Variants in ASIC2 observed in about 807,000 individuals in gnomAD.
ASIC2 encodes the protein acid sensing ion channel subunit 2.
Under a neutral mutation model 57.3 loss-of-function variants are expected in ASIC2, and 25 were observed. The observed-to-expected ratio is 0.44, with a 90% CI of 0.32 to 0.61. ASIC2 has a LOEUF of 0.61. ASIC2 is among the 20% of genes least tolerant of loss of function. The pLI is 0.06. For synonymous variants in ASIC2, 319 were observed against 307.5 expected (o/e 1.04, Z -0.39); for missense variants, 641 against 738.1 (o/e 0.87, Z 1.52).
chr17:33,319,631 T>G (rs138772550), intron 1 of ASIC2, among the ~76,000 whole-genome samples: 1 of 152,248 alleles, frequency 6.6e-6, no homozygotes, highest in African/African-American at 2.4e-5. Context: ...CAAGCATTTA[T>G]CCTTTCTTTG....
intron 1 of ASIC2, among the ~76,000 whole-genome samples, chr17:33,394,351 T>G (rs1910001033): frequency 6.6e-6 from 1 of 152,220 alleles, no homozygotes; most frequent in Non-Finnish European, 1.5e-5. Flanking sequence ...CTCTCAGCCC[T>G]GGCTGCAAGT....
intron 1 of ASIC2, among the ~76,000 whole-genome samples, chr17:33,767,324 G>A (rs1910963906): frequency 6.6e-6 from 1 of 152,184 alleles, no homozygotes; most frequent in African/African-American, 2.4e-5. Flanking sequence ...CACTGGAAAT[G>A]TACCTTATGA....
intron 2 of ASIC2, among the ~76,000 whole-genome samples, chr17:33,108,115 A>G (rs1032630907): frequency 1.3e-5 from 2 of 151,870 alleles, no homozygotes; most frequent in African/African-American, 4.8e-5. Context: ...ATTTGTCTCT[A>G]TTTTACAAAC....
chr17:34,117,117 T>A (rs547943781), intron 1 of ASIC2, among the ~76,000 whole-genome samples: 5 of 152,028 alleles, frequency 3.3e-5, no homozygotes, highest in Admixed American at 2.0e-4. Context: ...CCCAGATTCA[T>A]CCCTTCAATT....
intron 1 of ASIC2, among the ~76,000 whole-genome samples, chr17:33,693,812 G>A (rs1012998271): frequency 2.0e-5 from 3 of 152,200 alleles, no homozygotes; most frequent in South Asian, 2.1e-4. Context: ...AGGGCTGTGA[G>A]TACACATGCC....
At chr17:34,037,676 G>A in intron 1 of ASIC2, 1 of 1,613,942 alleles carries the variant, frequency 6.2e-7, no homozygotes, top group Non-Finnish European at 8.5e-7. Flanking sequence ...AGCAGCTCCA[G>A]CAGGGCTACT....
At chr17:33,871,189 G>A (rs770934697) in intron 1 of ASIC2, among the ~76,000 whole-genome samples, 2 of 152,216 alleles carry the variant, frequency 1.3e-5, no homozygotes, top group Non-Finnish European at 2.9e-5. Flanking sequence ...TGTGCCCTAG[G>A]AGGATGGAGG....
intron 1 of ASIC2, among the ~76,000 whole-genome samples, chr17:33,352,700 C>G (rs2142250458): frequency 6.6e-6 from 1 of 152,312 alleles, no homozygotes; most frequent in Non-Finnish European, 1.5e-5. Flanking sequence ...TTGCTGGCCT[C>G]CACACCACCC....
chr17:33,097,901 C>A (rs977374106), intron 2 of ASIC2, among the ~76,000 whole-genome samples: 1 of 152,146 alleles, frequency 6.6e-6, no homozygotes, highest in Non-Finnish European at 1.5e-5. Flanking sequence ...CCAGAGAAAT[C>A]CAGGGAAAGC....
At chr17:33,154,155 A>G (rs1904908493) in intron 1 of ASIC2, among the ~76,000 whole-genome samples, 1 of 152,178 alleles carries the variant, frequency 6.6e-6, no homozygotes, top group African/African-American at 2.4e-5. Flanking sequence ...CCAACCTCAG[A>G]CAATGTACTT....
chr17:33,463,925 G>T (rs1443736556), intron 1 of ASIC2, among the ~76,000 whole-genome samples: 3 of 152,160 alleles, frequency 2.0e-5, no homozygotes, highest in Admixed American at 2.0e-4. Flanking sequence ...GCTTGGGAAG[G>T]GTTTGTAACA....
intron 1 of ASIC2, among the ~76,000 whole-genome samples, chr17:33,828,802 A>G (rs570608130): frequency 6.6e-6 from 1 of 152,314 alleles, no homozygotes; most frequent in Admixed American, 6.5e-5. Flanking sequence ...AATTCTGAAA[A>G]TTCTGACAAC....
intron 1 of ASIC2, among the ~76,000 whole-genome samples, chr17:33,559,728 C>T (rs1391102767): frequency 6.6e-6 from 1 of 152,150 alleles, no homozygotes; most frequent in Non-Finnish European, 1.5e-5. Context: ...TATTCAATGA[C>T]CCCTTATTGC....
chr17:33,240,355 G>T (rs1908455321), intron 1 of ASIC2, among the ~76,000 whole-genome samples: 1 of 152,146 alleles, frequency 6.6e-6, no homozygotes, highest in Non-Finnish European at 1.5e-5. Context: ...TCATTCCAGA[G>T]GAGTTCTTTC....
At chr17:33,911,343 G>A (rs1202930533) in intron 1 of ASIC2, among the ~76,000 whole-genome samples, 2 of 152,208 alleles carry the variant, frequency 1.3e-5, no homozygotes, top group Non-Finnish European at 2.9e-5. Context: ...TCCAAGCTCA[G>A]GATGGGCAGT....
chr17:33,828,220 A>G (rs1913000378), intron 1 of ASIC2: 1 of 152,222 alleles, frequency 6.6e-6, no homozygotes. Flanking sequence ...AGGATTATAA[A>G]TCATTCTACA....
chr17:33,421,051 C>T (rs2141971586), intron 1 of ASIC2, among the ~76,000 whole-genome samples: 1 of 152,238 alleles, frequency 6.6e-6, no homozygotes, highest in East Asian at 1.9e-4. Context: ...GAACATGGAG[C>T]AGTGTAGTTT....
chr17:33,899,071 T>C (rs1326131789), intron 1 of ASIC2, among the ~76,000 whole-genome samples: 1 of 148,882 alleles, frequency 6.7e-6, no homozygotes, highest in South Asian at 2.1e-4. Flanking sequence ...GAGCTTGCAG[T>C]GAGCTGAGAT....
intron 1 of ASIC2, among the ~76,000 whole-genome samples, chr17:33,539,784 G>C (rs192916256): frequency 1.3e-5 from 2 of 152,302 alleles, no homozygotes; most frequent in East Asian, 3.9e-4. Context: ...GTCCAGATGG[G>C]AGACAGGCAC....
Sources: gnomAD v4.1 joint callset for allele counts (sites outside exome capture counted in the v4.1 genomes callset) on GRCh38, gnomAD v4.1.1 for gene constraint, MANE v1.5 for transcripts, NCBI Gene and HGNC (gene_info 2026-07-23, HGNC 2026-07-21) for gene names.